ATRX: variants seen among roughly 807,000 people sequenced by gnomAD.
ATRX encodes the protein ATRX chromatin remodeler.
ATRX carries 12 observed loss-of-function variants against 172.6 expected under a neutral mutation model. That is an observed-to-expected ratio of 0.07 (90% confidence interval 0.04 to 0.11). The LOEUF is 0.11. Among genes scored for constraint, ATRX ranks in the 10% least tolerant of loss-of-function variants. The pLI is 1.00. For missense variants in ATRX, 1,368 were observed against 1,767.4 expected, an observed-to-expected ratio of 0.77 and a Z score of 4.05; for synonymous variants, 674 against 594.7, an observed-to-expected ratio of 1.13 and a Z score of -1.94.
At chrX:77,591,881 AG>A (rs1199113617) in intron 26 of ATRX, among the ~76,000 whole-genome samples, 1 of 111,985 alleles carries the variant, frequency 8.9e-6, no homozygotes, top group Non-Finnish European at 1.9e-5. Flanking sequence ...TACTGGAAAG[AG>A]GTTGATTTTA....
At chrX:77,717,625 C>A (rs1400485757) in intron 1 of ATRX, among the ~76,000 whole-genome samples, 3 of 107,040 alleles carry the variant, frequency 2.8e-5, no homozygotes, top group Non-Finnish European at 3.9e-5. Context: ...AAAAAGAATT[C>A]TATTTCACTA....
chrX:77,616,212 C>A, intron 22 of ATRX: 1 of 837,545 alleles, frequency 1.2e-6, no homozygotes, highest in Non-Finnish European at 1.4e-6. Context: ...TGCCTTCAAC[C>A]TTTGTTAATT....
In ATRX at chrX:77,566,751, T is replaced by TA. The variant is rs782039822; in HGVS notation, c.6326+7498dup. 3.8e-4 allele frequency among the ~76,000 whole-genome samples: 41 copies of TA among 109,058 alleles called. 1 individual carries two copies. Among genetic ancestry groups the TA allele is most frequent in the South Asian group, 7.8e-4 (2 of 2,576 alleles). The allele number at this position is 109,058 out of a possible 115,157, so 94.7% of individuals were successfully genotyped here. On this transcript the variant is annotated intron_variant, in intron 28 of 34. Coordinates refer to ENST00000373344, the MANE Select transcript of ATRX (RefSeq NM_000489.6). ...CTGGGTGACAGAGCAAGACCCTGCTTAAAAAAAAAGGAATGGCTACAATAA... is the reference window on the plus strand; with the variant it reads ...CTGGGTGACAGAGCAAGACCCTGCTTAAAAAAAAAAGGAATGGCTACAATAA...
rs782346088 is a variant in ATRX, at chrX:77,664,594, T to G, written c.3943+51A>C. 1.3e-5 allele frequency: 16 copies of G among 1,191,726 alleles called. No individual in the cohort carries two copies. The Middle Eastern group carries it at 9.4e-4, about 70-fold the overall frequency. ...GTCAGATATTCTTCAAAGACTGAAT[T>G]AGTCAAGGAATCAAATTATGACATT... On this transcript the variant is annotated intron_variant, in intron 11 of 34. Transcript: ENST00000373344.
intron 34 of ATRX, 121 bp from the exon 35 acceptor site, chrX:77,508,750 T>A: frequency 2.7e-6 from 2 of 750,242 alleles, no homozygotes; most frequent in Non-Finnish European, 2.0e-6. Flanking sequence ...ACATTATTGT[T>A]AACACCATTA....
At chrX:77,577,766 C>T (rs782593815) in intron 27 of ATRX, among the ~76,000 whole-genome samples, 1 of 111,520 alleles carries the variant, frequency 9.0e-6, no homozygotes, top group East Asian at 2.8e-4. Context: ...TCAATCAGGG[C>T]AGTACTGGGG....
chrX:77,711,573 G>A (rs1235726427), intron 2 of ATRX, among the ~76,000 whole-genome samples: 4 of 112,395 alleles, frequency 3.6e-5, no homozygotes, highest in Non-Finnish European at 7.5e-5. Flanking sequence ...GGTGGCTCAC[G>A]CCTGTAATCC....
intron 1 of ATRX, among the ~76,000 whole-genome samples, chrX:77,759,741 A>T (rs953248498): frequency 2.7e-5 from 3 of 111,275 alleles, no homozygotes; most frequent in African/African-American, 9.8e-5. Context: ...ATAAAATAAT[A>T]ATAAATAAAC....
chrX:77,507,330 A>C lies in ATRX; in HGVS notation c.*1021T>G, dbSNP rs2062734386. On this transcript the variant is annotated 3_prime_UTR_variant, in exon 35 of 35. Coordinates refer to ENST00000373344, the MANE Select transcript of ATRX (RefSeq NM_000489.6). The stretch of plus-strand genomic sequence containing the variant: ...TTTCACAATACTGATAGTACTGGGA[A>C]TTGTTAAAAGTACATTCCTCATGTG... The C allele has an allele frequency of 5.8e-6, 1 of 172,265 alleles. No homozygotes were observed. Among genetic ancestry groups the C allele is most frequent in the African/African-American group, 3.0e-5 (1 of 33,872 alleles). The allele number at this position is 172,265 out of a possible 1,213,427, so 14.2% of individuals were successfully genotyped here.
At chrX:77,612,926 TC>T (rs782515842) in intron 22 of ATRX, among the ~76,000 whole-genome samples, 2 of 111,930 alleles carry the variant, frequency 1.8e-5, no homozygotes, top group South Asian at 7.4e-4. Flanking sequence ...TGTCGGAATT[TC>T]CCCCCTTTAT....
intron 1 of ATRX, among the ~76,000 whole-genome samples, chrX:77,767,850 C>A (rs782379192): frequency 8.9e-5 from 10 of 112,082 alleles, no homozygotes; most frequent in Non-Finnish European, 1.9e-4. Context: ...CAACCCCAAA[C>A]TGTATTTCTG....
chrX:77,706,023 G>A (rs2072800817), intron 2 of ATRX, among the ~76,000 whole-genome samples: 1 of 109,099 alleles, frequency 9.2e-6, no homozygotes, highest in African/African-American at 3.3e-5. Context: ...ATCTCACTCT[G>A]TCACCCAGGC....
intron 1 of ATRX, among the ~76,000 whole-genome samples, chrX:77,760,357 G>A (rs782486150): frequency 2.3e-4 from 24 of 103,891 alleles, no homozygotes; most frequent in South Asian, 4.4e-4. Context: ...GTAAACTATC[G>A]CAAGAACAAA....
At chrX:77,670,102 A>C (rs2070474405) in intron 10 of ATRX, among the ~76,000 whole-genome samples, 1 of 112,182 alleles carries the variant, frequency 8.9e-6, no homozygotes, top group African/African-American at 3.2e-5. Context: ...TGACCATTTT[A>C]TCTTTTAAGA....
intron 22 of ATRX, among the ~76,000 whole-genome samples, chrX:77,602,064 T>C (rs1569529074): frequency 8.9e-6 from 1 of 112,047 alleles, no homozygotes. Context: ...AGTGCAGTGA[T>C]GCAATCATAG....
intron 30 of ATRX, among the ~76,000 whole-genome samples, chrX:77,557,177 G>A (rs1887076448): frequency 8.9e-6 from 1 of 111,855 alleles, no homozygotes; most frequent in Non-Finnish European, 1.9e-5. Context: ...AAAAGTTGAA[G>A]TGTAAAGTAT....
chrX:77,696,657 G>A lies in ATRX; in HGVS notation c.290C>T (p.Pro97Leu). The A allele has an allele frequency of 4.2e-6, 5 of 1,198,076 alleles. No individual in the cohort carries two copies. Among genetic ancestry groups the A allele is most frequent in the Non-Finnish European group, 5.7e-6 (5 of 884,003 alleles). ...TKYVESDDEK[P>L]LDDETVNEDA... ...TTCATTTACAGTTTCATCATCCAAA[G>A]GTTTTTCATCATCTGATTCTACATA... is the stretch of plus-strand genomic sequence containing the variant. The change falls in exon 5 of 35, where the codon CCT (proline) becomes CTT (leucine). Residue 97 changes from proline to leucine, a missense_variant. Around this residue, in one of 17 missense-constraint regions of ATRX, gnomAD observed 84 missense variants for 82.8 expected, o/e 1.01. Transcript: ENST00000373344.
At chrX:77,672,568 TATC>T (rs1322626209) in intron 10 of ATRX, among the ~76,000 whole-genome samples, 1 of 110,662 alleles carries the variant, frequency 9.0e-6, no homozygotes, top group Non-Finnish European at 1.9e-5. Context: ...AACACAAAAT[TATC>T]ATCAAATGAT....
intron 1 of ATRX, among the ~76,000 whole-genome samples, chrX:77,779,973 C>T (rs1176219932): frequency 1.8e-5 from 2 of 111,762 alleles, no homozygotes; most frequent in East Asian, 2.8e-4. Flanking sequence ...AAAGAACAAC[C>T]GGCTAGAACT....
Sources: gnomAD v4.1 joint callset for allele counts (sites outside exome capture counted in the v4.1 genomes callset) on GRCh38, gnomAD v4.1.1 for gene constraint, gnomAD v4.1.1 regional missense constraint, MANE v1.5 for transcripts, NCBI Gene and HGNC (gene_info 2026-07-23, HGNC 2026-07-21) for gene names.